Variants in CEP290 observed in about 807,000 individuals in gnomAD.
The protein encoded by CEP290 is centrosomal protein of 290 kDa.
A neutral mutation model predicts 344.9 loss-of-function variants in CEP290; 317 were observed. The ratio of observed to expected loss-of-function variants is 0.92; its 90% CI spans 0.84 to 1.01. The LOEUF is 1.01. CEP290 is among the 50% of genes least tolerant of loss of function. The pLI, the probability that CEP290 is intolerant of heterozygous loss-of-function variation, is 0.00. For missense variants in CEP290, 2,754 were observed against 2,761.4 expected (o/e 1.00, Z 0.06); for synonymous variants, 932 against 895.8 (o/e 1.04, Z -0.72).
At chr12:88,115,538 T>A in intron 18 of CEP290, 1 of 1,292,854 alleles carries the variant, frequency 7.7e-7, no homozygotes, top group African/African-American at 1.5e-5. Flanking sequence ...ACTCTGCTTC[T>A]TTGATCAAGA....
intron 32 of CEP290, among the ~76,000 whole-genome samples, chr12:88,086,704 T>TATCCATCCATCCATCCATCC (rs71082424): frequency 0.47 from 70,208 of 148,914 alleles, 18,201 homozygotes; most frequent in East Asian, 0.68. Flanking sequence ...GATTTCAGTC[T>TATCCATCCATCCATCCATCC]ATCCATCCAT....
At chr12:88,132,059 G>C (rs777203773) in intron 6 of CEP290, among the ~76,000 whole-genome samples, 56 of 152,148 alleles carry the variant, frequency 3.7e-4, no homozygotes, top group Non-Finnish European at 6.3e-4. Flanking sequence ...GCTGACATAA[G>C]AGTTAAACAA....
chr12:88,049,953 T>G (rs2033330970), intron 53 of CEP290: 1 of 165,120 alleles, frequency 6.1e-6, no homozygotes, highest in South Asian at 1.8e-4. Context: ...ACTAGCTAAT[T>G]CTCATATCCA....
chr12:88,056,860 C>A (rs2034049331), intron 49 of CEP290, among the ~76,000 whole-genome samples: 1 of 152,132 alleles, frequency 6.6e-6, no homozygotes, highest in Non-Finnish European at 1.5e-5. Flanking sequence ...CAGATTTAAA[C>A]TTTAGTAACT....
chr12:88,131,008 C>G (rs1592675937), intron 7 of CEP290, among the ~76,000 whole-genome samples, 157 bp downstream of exon 7: 1 of 152,192 alleles, frequency 6.6e-6, no homozygotes, highest in East Asian at 1.9e-4. Flanking sequence ...GCTTTGTTTT[C>G]TATTTCCCTG....
intron 18 of CEP290, 69 bp from the exon 19 acceptor site, chr12:88,115,251 TAAGAA>T (rs2038968835): frequency 1.2e-5 from 11 of 907,774 alleles, no homozygotes; most frequent in Admixed American, 2.9e-5. Flanking sequence ...ATTTTCAAGT[TAAGAA>T]AAGTTTGATC....
chr12:88,102,283 T>C (rs1156900417), intron 26 of CEP290, among the ~76,000 whole-genome samples: 1 of 152,228 alleles, frequency 6.6e-6, no homozygotes, highest in Admixed American at 6.5e-5. Context: ...AAATTTATTC[T>C]ACATTAAAAT....
At chr12:88,052,345 T>C (rs1014416530) in intron 52 of CEP290, among the ~76,000 whole-genome samples, 3 of 152,128 alleles carry the variant, frequency 2.0e-5, no homozygotes, top group Non-Finnish European at 4.4e-5. Context: ...CATCAAAACA[T>C]AAATGGTTCG....
chr12:88,067,827 AT>A (rs2035057742), intron 44 of CEP290, among the ~76,000 whole-genome samples: 1 of 152,034 alleles, frequency 6.6e-6, no homozygotes. Context: ...TCTAATTTGT[AT>A]TTTTCATCAT....
rs1263086196 is a variant in CEP290, at chr12:88,130,569, C to T, written c.496-4G>A. On this transcript the variant is annotated splice_region_variant and splice_polypyrimidine_tract_variant and intron_variant, in intron 7 of 53. Transcript: ENST00000552810. ...CCTTTTTCTTTAGACGTTTGTTCTACAGAAAAGGACAGGAAAACGGTAATT... is the reference window on the plus strand; with the variant it reads ...CCTTTTTCTTTAGACGTTTGTTCTATAGAAAAGGACAGGAAAACGGTAATT... 16 of 1,572,536 alleles carry T rather than the reference C, an allele frequency of 1.0e-5. No individual in the cohort carries two copies. The highest frequency in any genetic ancestry group is 1.4e-5 in the Non-Finnish European group (16 of 1,161,920).
intron 17 of CEP290, among the ~76,000 whole-genome samples, chr12:88,117,795 G>C (rs1344330200): frequency 1.3e-5 from 2 of 152,122 alleles, no homozygotes; most frequent in African/African-American, 2.4e-5. Context: ...AGCACTTTGG[G>C]GAGCCAAAGT....
At chr12:88,085,489 A>AT (rs1175388176) in intron 34 of CEP290, among the ~76,000 whole-genome samples, 3 of 152,120 alleles carry the variant, frequency 2.0e-5, no homozygotes. Flanking sequence ...TTCTTTATGT[A>AT]TATTTTAAAT....
intron 6 of CEP290, among the ~76,000 whole-genome samples, chr12:88,134,016 A>G (rs946764560): frequency 1.3e-5 from 2 of 152,124 alleles, no homozygotes; most frequent in Admixed American, 6.5e-5. Context: ...GTGCCTTACA[A>G]TCACTTCTCT....
Position 88,068,617 on chromosome 12 carries a change from C to A in CEP290, c.6040G>T (p.Val2014Phe). 6.3e-7 allele frequency: 1 copy of A among 1,594,322 alleles called. No homozygotes were observed. Among genetic ancestry groups the A allele is most frequent in the South Asian group, 1.2e-5 (1 of 85,340 alleles). Residue 2014 changes from valine to phenylalanine, a missense_variant, in exon 44 of 54, where the codon GTT (valine) becomes TTT (phenylalanine). Val to Phe is a conservative substitution (Grantham distance 50). Coordinates refer to ENST00000552810, the MANE Select transcript of CEP290 (RefSeq NM_025114.4). ...RAHQALPRDS[V>F]VEDLHLQNRY... ...TTTTGTAAATGTAAATCTTCTACAA[C>A]AGAATCTCGAGGAAGAGCTTGGTGG...
At chr12:88,067,476 C>A (rs774507750) in intron 44 of CEP290, among the ~76,000 whole-genome samples, 1 of 151,982 alleles carries the variant, frequency 6.6e-6, no homozygotes, top group Middle Eastern at 3.2e-3. Context: ...ACATCGCCTG[C>A]CTGTGCATCA....
chr12:88,063,987 T>G lies in CEP290; in HGVS notation c.6264A>C (p.Arg2088Ser). 5.0e-6 allele frequency: 8 copies of G among 1,594,998 alleles called. No homozygotes were observed. The highest frequency in any genetic ancestry group is 6.8e-6 in the Non-Finnish European group (8 of 1,171,698). ...QLEQANKDLP[R>S]LKNQVRDLKE... is the part of the protein sequence containing the mutation. ...TAAAAAACATTAAATTCACCTTTAA[T>G]CTTGGCAAATCTTTATTTGCTTGTT... Residue 2088 changes from arginine (R) to serine (S), a missense_variant, in exon 45 of 54, where the codon AGA becomes AGC. Physicochemically the swap from Arg to Ser is moderately radical, Grantham distance 110 (BLOSUM62 -1). Coordinates refer to ENST00000552810, the MANE Select transcript of CEP290 (RefSeq NM_025114.4).
rs900588838 is a variant in CEP290, at chr12:88,064,179, C to G, written c.6136-64G>C. ...ATAAATAAAAGCCATAAAAGACATA[C>G]TGGATAAGAAAATACTGTCAAAAGG... On this transcript the variant is annotated intron_variant, in intron 44 of 53. Transcript: ENST00000552810. 61 of 1,357,382 alleles carry G rather than the reference C, an allele frequency of 4.5e-5. 1 individual carries two copies. In the Admixed American group the frequency reaches 6.8e-4, roughly 15 times the overall value. The allele number at this position is 1,357,382 out of a possible 1,614,324, so 84.1% of individuals were successfully genotyped here. A position where few individuals can be genotyped will look rare whatever the true frequency, so the allele number is the denominator to read the frequency against.
Position 88,111,696 on chromosome 12 carries a change from T to C in CEP290, c.2215A>G (p.Lys739Glu). The change falls in exon 21 of 54, where the codon AAG becomes GAG. Residue 739 changes from lysine to glutamate, a missense_variant and splice_region_variant. Coordinates refer to ENST00000552810, the MANE Select transcript of CEP290 (RefSeq NM_025114.4). ...YSQQLAKANL[K>E]IDHLEKETSL... is the part of the protein sequence containing the mutation. ...CTTTTATTTAATAAAATTCTCACCT[T>C]TAAATTAGCTTTTGCCAACTGCTGT... The C allele has an allele frequency of 1.3e-6, 2 of 1,576,140 alleles. No homozygotes were observed. The highest frequency in any genetic ancestry group is 1.7e-6 in the Non-Finnish European group (2 of 1,166,698).
chr12:88,094,074 G>C, intron 27 of CEP290, 99 bp from the exon 28 acceptor site: 1 of 919,908 alleles, frequency 1.1e-6, no homozygotes, highest in Non-Finnish European at 1.6e-6. Context: ...TAGTTCCATG[G>C]AAAGCACATT....
Sources: gnomAD v4.1 joint callset for allele counts (sites outside exome capture counted in the v4.1 genomes callset) on GRCh38, gnomAD v4.1.1 for gene constraint, MANE v1.5 for transcripts, NCBI Gene and HGNC (gene_info 2026-07-23, HGNC 2026-07-21) for gene names.